Variants in CTNNA3 observed in about 807,000 individuals in gnomAD.
The protein encoded by CTNNA3 is catenin alpha 3, also known as catenin alpha-3.
In CTNNA3, 76 loss-of-function variants were observed where a neutral mutation model predicts 95.7. The observed-to-expected ratio is 0.79, with a 90% CI of 0.66 to 0.96. CTNNA3 has a LOEUF of 0.96. Ranked by LOEUF, CTNNA3 falls within the 40% of genes least tolerant of loss-of-function variation. The pLI is 0.00. For missense variants in CTNNA3, 1,191 were observed against 1,089.8 expected, an observed-to-expected ratio of 1.09 and a Z score of -1.31; for synonymous variants, 431 against 374.4, an observed-to-expected ratio of 1.15 and a Z score of -1.74.
intron 5 of CTNNA3, among the ~76,000 whole-genome samples, chr10:67,494,711 G>A (rs943020277): frequency 1.3e-5 from 2 of 152,032 alleles, no homozygotes; most frequent in African/African-American, 4.8e-5. Flanking sequence ...TGGCCTAATT[G>A]GGCTGCCTCA....
rs7895148 is a variant in CTNNA3, at chr10:67,155,552, G to T, written c.1047+24765C>A. ...ATATGTGTGTGTGTGTGTGTGTGTT[G>T]TACATTCATTCTTCTTTTAGTTACC... On this transcript the variant is annotated intron_variant, in intron 7 of 17. Coordinates refer to ENST00000433211, the MANE Select transcript of CTNNA3 (RefSeq NM_013266.4). Among the ~76,000 whole-genome samples, 11 of 22,670 alleles carry T rather than the reference G, an allele frequency of 4.9e-4. No individual in the cohort carries two copies. The African/African-American group carries it at 5.2e-3, about 11-fold the overall frequency. 14.9% of individuals were successfully genotyped at this position (22,670 alleles called of 152,430 possible).
At position 66,730,343 on chromosome 10, in the gene CTNNA3, C is replaced by T. The variant is rs375473707; in HGVS notation, c.1281+35921G>A. ...AAAGCCATTATGCTCAGCAAACTAA[C>T]GAAGGAATAGAAAACTAAACACTGC... On this transcript the variant is annotated intron_variant, in intron 9 of 17. Transcript: ENST00000433211. Among the ~76,000 whole-genome samples, 20 of 152,104 alleles carry T rather than the reference C, an allele frequency of 1.3e-4. No individual in the cohort carries two copies. In the South Asian group the frequency reaches 3.3e-3, roughly 25 times the overall value.
chr10:66,088,485 T>TTTTGTG (rs974682820), intron 14 of CTNNA3, among the ~76,000 whole-genome samples: 1 of 139,568 alleles, frequency 7.2e-6, no homozygotes, highest in African/African-American at 2.7e-5. Flanking sequence ...GGTAGGTGTT[T>TTTTGTG]TGTGTGTGTG....
Position 66,372,360 on chromosome 10 carries a change from A to G in CTNNA3, c.1732+6792T>C, listed in dbSNP as rs189920993. Among the ~76,000 whole-genome samples the G allele has an allele frequency of 3.9e-5, 6 of 152,252 alleles. No homozygotes were observed. The East Asian group carries it at 1.2e-3, about 29-fold the overall frequency. On this transcript the variant is annotated intron_variant, in intron 12 of 17. Coordinates refer to ENST00000433211, the MANE Select transcript of CTNNA3 (RefSeq NM_013266.4). ...AGATGTGACCTCTTTCTCTTTCTAG[A>G]TGATATCTTGTTTCCCAGGAGAAGA...
chr10:66,334,003 T>A (rs2092364249), intron 12 of CTNNA3, among the ~76,000 whole-genome samples: 1 of 152,136 alleles, frequency 6.6e-6, no homozygotes, highest in South Asian at 2.1e-4. Flanking sequence ...TTATCTCTTT[T>A]GATCTTTGTC....
At chr10:67,511,752 A>G (rs997922686) in intron 5 of CTNNA3, among the ~76,000 whole-genome samples, 13 of 152,152 alleles carry the variant, frequency 8.5e-5, no homozygotes, top group African/African-American at 3.1e-4. Context: ...ATTGATTGGA[A>G]TAGTTTCAGA....
chr10:66,268,100 GATA>G (rs1164678181), intron 13 of CTNNA3, among the ~76,000 whole-genome samples: 5 of 151,770 alleles, frequency 3.3e-5, no homozygotes, highest in South Asian at 2.1e-4. Context: ...TGATGATGAT[GATA>G]ATAATGATGA....
chr10:66,687,452 G>T (rs1162864668), intron 9 of CTNNA3, among the ~76,000 whole-genome samples: 1 of 151,994 alleles, frequency 6.6e-6, no homozygotes, highest in Non-Finnish European at 1.5e-5. Flanking sequence ...CCCCTATTCT[G>T]TTAGAATATA....
chr10:67,065,708 TAGATAAAAAACTA>T (rs956256736), intron 7 of CTNNA3, among the ~76,000 whole-genome samples: 1 of 152,092 alleles, frequency 6.6e-6, no homozygotes, highest in Admixed American at 6.5e-5. Context: ...TCCAAGGTCC[TAGATAAAAAACTA>T]AGCCACACGA....
At chr10:67,149,418 T>A (rs978277782) in intron 7 of CTNNA3, among the ~76,000 whole-genome samples, 9 of 151,934 alleles carry the variant, frequency 5.9e-5, no homozygotes, top group Non-Finnish European at 2.9e-5. Flanking sequence ...ACCCCGTCTC[T>A]ACTAAAAATA....
chr10:67,698,374 A>G (rs747480214), upstream of CTNNA3, among the ~76,000 whole-genome samples: 5 of 152,310 alleles, frequency 3.3e-5, no homozygotes, highest in East Asian at 1.9e-4. Flanking sequence ...AATTGGATGT[A>G]TTGAGAAGCC....
chr10:66,652,097 T>TAAAA (rs59359956), intron 9 of CTNNA3, among the ~76,000 whole-genome samples: 25 of 122,394 alleles, frequency 2.0e-4, no homozygotes, highest in Non-Finnish European at 3.4e-4. Flanking sequence ...CTCAAGGAAC[T>TAAAA]AAAAAAAAAA....
At chr10:67,581,936 G>C (rs1842417276) in intron 3 of CTNNA3, among the ~76,000 whole-genome samples, 1 of 151,950 alleles carries the variant, frequency 6.6e-6, no homozygotes, top group African/African-American at 2.4e-5. Context: ...GCATCTATTT[G>C]ATTCTTCTCT....
intron 15 of CTNNA3, among the ~76,000 whole-genome samples, chr10:66,051,322 G>T (rs913674003): frequency 1.3e-5 from 2 of 152,210 alleles, no homozygotes; most frequent in African/African-American, 4.8e-5. Flanking sequence ...TTAAATGCAT[G>T]CATGAATGAA....
At chr10:66,581,380 C>G (rs1420475115) in intron 10 of CTNNA3, among the ~76,000 whole-genome samples, 3 of 149,952 alleles carry the variant, frequency 2.0e-5, no homozygotes, top group Non-Finnish European at 4.5e-5. Flanking sequence ...AAGTGTTCCT[C>G]TTTCACCACG....
At chr10:66,347,233 G>A (rs1186379717) in intron 12 of CTNNA3, among the ~76,000 whole-genome samples, 1 of 151,968 alleles carries the variant, frequency 6.6e-6, no homozygotes, top group African/African-American at 2.4e-5. Context: ...TAATTCTCTA[G>A]TTATTGTCTA....
intron 10 of CTNNA3, among the ~76,000 whole-genome samples, chr10:66,612,908 G>A (rs559781134): frequency 2.0e-5 from 3 of 151,780 alleles, no homozygotes; most frequent in Non-Finnish European, 4.4e-5. Flanking sequence ...CATTTCCACC[G>A]ATTCCTCCCA....
intron 11 of CTNNA3, among the ~76,000 whole-genome samples, chr10:66,421,823 A>G (rs752347196): frequency 2.8e-4 from 38 of 135,714 alleles, no homozygotes; most frequent in Non-Finnish European, 5.3e-4. Flanking sequence ...TGGCAGAGCA[A>G]GACTCTGTCT....
chr10:66,472,052 G>A (rs12249344), intron 11 of CTNNA3, among the ~76,000 whole-genome samples: 9,406 of 151,926 alleles, frequency 0.062, 606 homozygotes, highest in African/African-American at 0.16. Context: ...TTTGTATTTT[G>A]AAAGCATCCT....
Sources: gnomAD v4.1 joint callset for allele counts (sites outside exome capture counted in the v4.1 genomes callset) on GRCh38, gnomAD v4.1.1 for gene constraint, MANE v1.5 for transcripts, NCBI Gene and HGNC (gene_info 2026-07-23, HGNC 2026-07-21) for gene names.